The following NME7 variants were observed in gnomAD, a reference collection of about 807,000 sequenced individuals.
NME7 encodes nucleoside diphosphate kinase 7.
NME7 carries 41 observed loss-of-function variants against 49.1 expected under a neutral mutation model. That is an observed-to-expected ratio of 0.83 (90% CI 0.65 to 1.08). NME7 has a LOEUF of 1.08. NME7 is among the 50% of genes least tolerant of loss of function. The pLI, the probability that NME7 is intolerant of heterozygous loss-of-function variation, is 0.00. For missense variants in NME7, 423 were observed against 463.4 expected (o/e 0.91, Z 0.80); for synonymous variants, 139 against 150.6 (o/e 0.92, Z 0.56).
chr1:169,298,495 C>T (rs1650798688), intron 6 of NME7, 61 bp downstream of exon 6: 3 of 1,517,148 alleles, frequency 2.0e-6, no homozygotes, highest in African/African-American at 1.4e-5. Flanking sequence ...AAATGCTTTC[C>T]TTTGATATAA....
At chr1:169,276,947 C>T (rs142156028) in intron 7 of NME7, among the ~76,000 whole-genome samples, 9,352 of 149,894 alleles carry the variant, frequency 0.062, 589 homozygotes, top group South Asian at 0.12. Flanking sequence ...CGTTATGTAC[C>T]CAGTAGTCAT....
intron 1 of NME7, among the ~76,000 whole-genome samples, chr1:169,331,572 A>C (rs12033078): frequency 0.1 from 15,676 of 152,172 alleles, 850 homozygotes; most frequent in Admixed American, 0.12. Flanking sequence ...ATTTGGAAAA[A>C]CCTAAAGACT....
chr1:169,344,723 A>G lies in NME7; in HGVS notation c.4-20223T>C, dbSNP rs1341401320. On this transcript the variant is annotated intron_variant, in intron 1 of 11. Transcript: ENST00000367811. The stretch of plus-strand genomic sequence containing the variant: ...GGCATAAATCCCACTGGATCATGGT[A>G]TATAATCCATTCTATGTATTGCTAA... Among the ~76,000 whole-genome samples, 4 of 152,288 alleles carry G rather than the reference A, an allele frequency of 2.6e-5. No individual in the cohort carries two copies. In the South Asian group the frequency reaches 8.3e-4, roughly 32 times the overall value.
rs116845986 is a variant in NME7 at position 169,151,756 on chromosome 1, G to A, written c.1098+17691C>T. The stretch of plus-strand genomic sequence containing the variant: ...GGCAGAGGGCCTCTTGGTAGAGATG[G>A]TCATTCCAGACCTCGGTCAGTATCT... On this transcript the variant is annotated intron_variant, in intron 11 of 11. Transcript: ENST00000367811. Among the ~76,000 whole-genome samples, 34 of 152,216 alleles carry A rather than the reference G, an allele frequency of 2.2e-4. No homozygotes were observed. The East Asian group carries it at 6.6e-3, about 30-fold the overall frequency.
intron 10 of NME7, among the ~76,000 whole-genome samples, chr1:169,186,302 A>G (rs556524194): frequency 2.0e-5 from 3 of 152,306 alleles, no homozygotes; most frequent in Admixed American, 1.3e-4. Context: ...TGCAGGCTCT[A>G]GACACTATTT....
rs548275354 is a variant in NME7, at chr1:169,238,333, A to G, written c.755-646T>C. On this transcript the variant is annotated intron_variant, in intron 7 of 11. Transcript: ENST00000367811. ...ACATGAGGAATATAGTCTTTATCCT[A>G]CAGATGAGTGGTTTCTATATTGGAG... is the stretch of plus-strand genomic sequence containing the variant. 9.2e-5 allele frequency among the ~76,000 whole-genome samples: 14 copies of G among 152,210 alleles called. No homozygotes were observed. The South Asian group carries it at 2.1e-3, about 23-fold the overall frequency.
chr1:169,360,899 T>C (rs1653629857), intron 1 of NME7, among the ~76,000 whole-genome samples: 1 of 152,208 alleles, frequency 6.6e-6, no homozygotes. Context: ...TAAAGAGTTT[T>C]ATCATCAAAG....
intron 10 of NME7, among the ~76,000 whole-genome samples, chr1:169,199,776 G>T (rs926330519): frequency 6.6e-6 from 1 of 151,946 alleles, no homozygotes; most frequent in Admixed American, 6.6e-5. Context: ...TTCACCAAAA[G>T]TACTAAAAGT....
chr1:169,280,224 C>T (rs1212423409), intron 7 of NME7, among the ~76,000 whole-genome samples: 1 of 152,190 alleles, frequency 6.6e-6, no homozygotes, highest in Non-Finnish European at 1.5e-5. Flanking sequence ...GGATGAGGAG[C>T]ATTTTTTCAT....
intron 1 of NME7, among the ~76,000 whole-genome samples, chr1:169,333,784 C>T (rs1652356687): frequency 6.6e-6 from 1 of 152,146 alleles, no homozygotes; most frequent in Non-Finnish European, 1.5e-5. Context: ...CTGAGAGACA[C>T]TGGACTAAGC....
chr1:169,279,724 A>C (rs1369855176), intron 7 of NME7, among the ~76,000 whole-genome samples: 4 of 152,166 alleles, frequency 2.6e-5, no homozygotes, highest in African/African-American at 9.7e-5. Context: ...GGCACTCCCT[A>C]GTGAGATGAA....
intron 7 of NME7, chr1:169,284,941 C>A (rs1650211992): frequency 6.6e-6 from 1 of 152,012 alleles, no homozygotes; most frequent in Admixed American, 6.6e-5. Flanking sequence ...TTGAATAAAA[C>A]ATTTTAGGGT....
chr1:169,163,779 A>G (rs1237101968), intron 11 of NME7, among the ~76,000 whole-genome samples: 1 of 151,948 alleles, frequency 6.6e-6, no homozygotes, highest in African/African-American at 2.4e-5. Flanking sequence ...ATTGTACTGT[A>G]CCTGCAACTT....
chr1:169,219,239 A>G (rs1571300841), intron 10 of NME7, among the ~76,000 whole-genome samples: 2 of 152,200 alleles, frequency 1.3e-5, no homozygotes, highest in South Asian at 4.1e-4. Flanking sequence ...ATGCATCTGC[A>G]AAGTCAACCA....
chr1:169,281,531 G>A (rs140731527), intron 7 of NME7, among the ~76,000 whole-genome samples: 1,699 of 152,096 alleles, frequency 0.011, 15 homozygotes, highest in African/African-American at 0.023. Flanking sequence ...GTCTTGTGCC[G>A]GTTTTCAAAG....
At chr1:169,252,663 T>C (rs1282162643) in intron 7 of NME7, among the ~76,000 whole-genome samples, 1 of 152,138 alleles carries the variant, frequency 6.6e-6, no homozygotes, top group Non-Finnish European at 1.5e-5. Context: ...TGGTAATCCC[T>C]AGGTTTTCTT....
chr1:169,154,813 T>A (rs1489468001), intron 11 of NME7, among the ~76,000 whole-genome samples: 1 of 150,178 alleles, frequency 6.7e-6, no homozygotes, highest in Non-Finnish European at 1.5e-5. Context: ...AAAAAAAAAA[T>A]CAGAATTTTC....
chr1:169,345,424 G>T (rs77674368), intron 1 of NME7, among the ~76,000 whole-genome samples: 3,042 of 141,756 alleles, frequency 0.021, 104 homozygotes, highest in African/African-American at 0.074. Flanking sequence ...AGATGGGGGG[G>T]TCTCACTATG....
intron 10 of NME7, among the ~76,000 whole-genome samples, chr1:169,194,795 G>A (rs1660328079): frequency 6.6e-6 from 1 of 152,104 alleles, no homozygotes; most frequent in South Asian, 2.1e-4. Flanking sequence ...AAATGTTAGG[G>A]GCAGAGTCAG....
Sources: gnomAD v4.1 joint callset for allele counts (sites outside exome capture counted in the v4.1 genomes callset) on GRCh38, gnomAD v4.1.1 for gene constraint, MANE v1.5 for transcripts, NCBI Gene and HGNC (gene_info 2026-07-23, HGNC 2026-07-21) for gene names.